The following RSPO2 variants were observed in gnomAD, a reference collection of about 807,000 sequenced individuals.
The protein encoded by RSPO2 is R-spondin-2.
A neutral mutation model predicts 30.9 loss-of-function variants in RSPO2; 14 were observed. The observed-to-expected ratio is 0.45, with a 90% CI of 0.30 to 0.71. The LOEUF is 0.71. Ranked by LOEUF, RSPO2 falls within the 30% of genes least tolerant of loss-of-function variation. The pLI is 0.08. For synonymous variants in RSPO2, 107 were observed against 96.4 expected, an observed-to-expected ratio of 1.11 and a Z score of -0.64; for missense variants, 264 against 301.9, an observed-to-expected ratio of 0.87 and a Z score of 0.93.
intron 5 of RSPO2, among the ~76,000 whole-genome samples, chr8:107,902,608 T>C (rs1378510053): frequency 6.6e-6 from 1 of 152,088 alleles, no homozygotes; most frequent in Non-Finnish European, 1.5e-5. Flanking sequence ...ATGAGATTTC[T>C]AAATAAGGTA....
chr8:107,963,463 G>A (rs1220211062), intron 3 of RSPO2, among the ~76,000 whole-genome samples: 1 of 137,364 alleles, frequency 7.3e-6, no homozygotes, highest in Admixed American at 7.9e-5. Context: ...AGTCAAGGCT[G>A]CAGTGAGCTG....
intron 5 of RSPO2, among the ~76,000 whole-genome samples, chr8:107,920,098 T>A (rs1812106206): frequency 6.6e-6 from 1 of 151,836 alleles, no homozygotes; most frequent in African/African-American, 2.4e-5. Flanking sequence ...AAAATCTGGA[T>A]GAGGCAGGTT....
chr8:107,971,164 G>A (rs933653093), intron 3 of RSPO2, among the ~76,000 whole-genome samples: 44 of 152,276 alleles, frequency 2.9e-4, no homozygotes, highest in African/African-American at 1.0e-3. Flanking sequence ...ATAATAGAAC[G>A]ATGTTGCCTA....
At chr8:108,058,942 G>T (rs1200892577) in intron 2 of RSPO2, among the ~76,000 whole-genome samples, 1 of 151,594 alleles carries the variant, frequency 6.6e-6, no homozygotes, top group Non-Finnish European at 1.5e-5. Flanking sequence ...GCATGGGCAA[G>T]GACTTCATGT....
intron 5 of RSPO2, among the ~76,000 whole-genome samples, chr8:107,912,874 TAAAA>T (rs1811865814): frequency 6.6e-6 from 1 of 152,190 alleles, no homozygotes; most frequent in Non-Finnish European, 1.5e-5. Flanking sequence ...TCCAAATTAT[TAAAA>T]TCAAATAAAT....
intron 2 of RSPO2, among the ~76,000 whole-genome samples, chr8:108,030,119 GAAAAAAAAAAAA>G (rs11434221): frequency 3.5e-4 from 25 of 70,994 alleles, no homozygotes; most frequent in African/African-American, 1.2e-3. Context: ...GGATAGATAG[GAAAAAAAAAAAA>G]AAAAAAAAAA....
At chr8:107,922,361 A>C (rs1563521818) in intron 5 of RSPO2, among the ~76,000 whole-genome samples, 1 of 152,172 alleles carries the variant, frequency 6.6e-6, no homozygotes, top group Non-Finnish European at 1.5e-5. Flanking sequence ...AGCCACAAGA[A>C]GAATAAAATA....
intron 4 of RSPO2, among the ~76,000 whole-genome samples, chr8:107,958,932 T>C (rs1813529565): frequency 6.6e-6 from 1 of 152,220 alleles, no homozygotes; most frequent in African/African-American, 2.4e-5. Context: ...CACATTTTCT[T>C]TATGCAGTCT....
intron 5 of RSPO2, among the ~76,000 whole-genome samples, chr8:107,910,425 C>T (rs576815179): frequency 3.9e-5 from 6 of 152,266 alleles, no homozygotes; most frequent in Non-Finnish European, 7.4e-5. Context: ...CCCAACTACT[C>T]AGAAGCCTAA....
chr8:107,944,912 C>A (rs1813008071), intron 5 of RSPO2, among the ~76,000 whole-genome samples: 1 of 152,034 alleles, frequency 6.6e-6, no homozygotes, highest in East Asian at 1.9e-4. Flanking sequence ...GTCCAGATAT[C>A]TACCTGCCAG....
chr8:108,054,059 T>A (rs2130685252), intron 2 of RSPO2, among the ~76,000 whole-genome samples: 1 of 152,252 alleles, frequency 6.6e-6, no homozygotes, highest in African/African-American at 2.4e-5. Context: ...GATGCATTTG[T>A]TGAAAAAATT....
At chr8:107,935,198 T>C (rs1812679907) in intron 5 of RSPO2, among the ~76,000 whole-genome samples, 1 of 152,094 alleles carries the variant, frequency 6.6e-6, no homozygotes. Context: ...TGCATTCCCA[T>C]GGGGAGATCT....
intron 5 of RSPO2, among the ~76,000 whole-genome samples, chr8:107,901,410 G>A (rs2130236726): frequency 6.6e-6 from 1 of 152,232 alleles, no homozygotes; most frequent in South Asian, 2.1e-4. Flanking sequence ...CCTGTTACAG[G>A]GAACTGGCAT....
chr8:108,031,853 G>GA (rs71308772), intron 2 of RSPO2, among the ~76,000 whole-genome samples: 57,790 of 149,142 alleles, frequency 0.39, 11,677 homozygotes, highest in African/African-American at 0.53. Context: ...AAAAGAAGAG[G>GA]AAAAAAAAAA....
intron 2 of RSPO2, among the ~76,000 whole-genome samples, chr8:108,021,304 G>C (rs773392276): frequency 2.6e-5 from 4 of 152,138 alleles, no homozygotes; most frequent in Admixed American, 6.5e-5. Flanking sequence ...GTAAATAAAT[G>C]AACTTTTTTC....
chr8:107,908,569 G>T (rs1811726447), intron 5 of RSPO2, among the ~76,000 whole-genome samples: 1 of 152,116 alleles, frequency 6.6e-6, no homozygotes, highest in Non-Finnish European at 1.5e-5. Context: ...TTAAGAGATG[G>T]TTTTTTAAAA....
At chr8:108,023,231 A>C (rs1339858987) in intron 2 of RSPO2, among the ~76,000 whole-genome samples, 2 of 152,212 alleles carry the variant, frequency 1.3e-5, no homozygotes, top group Non-Finnish European at 2.9e-5. Context: ...ATAGTTATTT[A>C]AGGGAATAAA....
At chr8:107,938,295 C>T (rs1018665615) in intron 5 of RSPO2, among the ~76,000 whole-genome samples, 10 of 152,006 alleles carry the variant, frequency 6.6e-5, no homozygotes, top group Non-Finnish European at 1.5e-4. Context: ...TCTAACTATC[C>T]ACCTTTTCCC....
chr8:107,924,493 T>G (rs1812289176), intron 5 of RSPO2, among the ~76,000 whole-genome samples: 1 of 152,036 alleles, frequency 6.6e-6, no homozygotes, highest in Non-Finnish European at 1.5e-5. Context: ...TTTGTGTACC[T>G]CTGTTGGTTT....
Sources: allele counts gnomAD v4.1 joint callset (sites outside exome capture counted in the v4.1 genomes callset), GRCh38; gene constraint gnomAD v4.1.1; transcripts MANE v1.5; gene names NCBI Gene and HGNC (gene_info 2026-07-23, HGNC 2026-07-21).